Variants in SH3PXD2B observed in about 807,000 individuals in gnomAD.
The protein encoded by SH3PXD2B is SH3 and PX domain-containing protein 2B.
In SH3PXD2B, 37 loss-of-function variants were observed where a neutral mutation model predicts 73.1. The observed-to-expected ratio is 0.51, with a 90% CI of 0.39 to 0.67. SH3PXD2B has a LOEUF of 0.67. Ranked by LOEUF, SH3PXD2B falls within the 30% of genes least tolerant of loss-of-function variation. The pLI is 0.00. For missense variants in SH3PXD2B, 1,053 were observed against 1,197.8 expected, an observed-to-expected ratio of 0.88 and a Z score of 1.78; for synonymous variants, 457 against 480.5, an observed-to-expected ratio of 0.95 and a Z score of 0.64.
At chr5:172,427,637 C>T (rs372654327) in intron 1 of SH3PXD2B, among the ~76,000 whole-genome samples, 3 of 152,198 alleles carry the variant, frequency 2.0e-5, no homozygotes, top group Admixed American at 6.5e-5. Flanking sequence ...AGCCGTGAGC[C>T]ACCATGCCTG....
chr5:172,374,367 A>C (rs1260907017), intron 5 of SH3PXD2B, among the ~76,000 whole-genome samples: 4 of 152,068 alleles, frequency 2.6e-5, no homozygotes, highest in Non-Finnish European at 2.9e-5. Flanking sequence ...TACCGTCGTC[A>C]CCCGTGTCAG....
At chr5:172,347,936 C>T (rs1224381343) in intron 10 of SH3PXD2B, among the ~76,000 whole-genome samples, 2 of 152,142 alleles carry the variant, frequency 1.3e-5, no homozygotes, top group Non-Finnish European at 2.9e-5. Context: ...GAGGCAGCTG[C>T]CCTGGCTCTG....
chr5:172,402,905 C>A (rs1422428194), intron 3 of SH3PXD2B, among the ~76,000 whole-genome samples: 1 of 152,278 alleles, frequency 6.6e-6, no homozygotes, highest in Non-Finnish European at 1.5e-5. Flanking sequence ...TTAAACCTGC[C>A]TCCAGCAGGC....
chr5:172,453,355 C>T (rs1158544542), intron 1 of SH3PXD2B, among the ~76,000 whole-genome samples: 2 of 152,184 alleles, frequency 1.3e-5, no homozygotes, highest in East Asian at 3.9e-4. Context: ...TCCCCAAGGC[C>T]TCATGTGGGC....
At chr5:172,410,679 CAGG>C (rs1298166494) in intron 2 of SH3PXD2B, among the ~76,000 whole-genome samples, 2 of 152,180 alleles carry the variant, frequency 1.3e-5, no homozygotes, top group African/African-American at 4.8e-5. Context: ...GAGGCAACTT[CAGG>C]AGATGTTTGC....
intron 3 of SH3PXD2B, among the ~76,000 whole-genome samples, chr5:172,400,504 T>G (rs1758401276): frequency 6.6e-6 from 1 of 152,216 alleles, no homozygotes; most frequent in Non-Finnish European, 1.5e-5. Context: ...AGGCCTCATA[T>G]GATACTCCCC....
intron 1 of SH3PXD2B, among the ~76,000 whole-genome samples, chr5:172,437,570 C>T (rs981871116): frequency 2.6e-5 from 4 of 152,256 alleles, no homozygotes; most frequent in African/African-American, 9.6e-5. Flanking sequence ...CCTTGGGTCT[C>T]CTGGCCCCAG....
intron 4 of SH3PXD2B, among the ~76,000 whole-genome samples, chr5:172,388,817 G>C (rs1220831300): frequency 1.3e-5 from 2 of 152,158 alleles, no homozygotes; most frequent in African/African-American, 4.8e-5. Context: ...TTGCCAGCAG[G>C]GCCTGGACAA....
Position 172,339,842 on chromosome 5 carries a change from G to GACAATTGACAATGAT in SH3PXD2B, c.1262_1263insATCATTGTCAATTGT (p.Phe421delinsLeuSerLeuSerIleVal). ...TGCTCGTCTTCTTGTACTTGTCAATGAAGGTGGCCGGGGCCCACCCTTCCT... is the reference window on the plus strand; with the variant it reads ...TGCTCGTCTTCTTGTACTTGTCAATGACAATTGACAATGATAAGGTGGCCGGGGCCCACCCTTCCT... On this transcript the variant is annotated protein_altering_variant, in exon 13 of 13. Coordinates refer to ENST00000311601, the MANE Select transcript of SH3PXD2B (RefSeq NM_001017995.3). This position sits in a 1 kb window ranked among gnomAD's most constrained non-coding sequence, Gnocchi z 6.1. 1 of 1,614,258 alleles carries GACAATTGACAATGAT rather than the reference G, an allele frequency of 6.2e-7. No homozygotes were observed. The highest frequency in any genetic ancestry group is 8.5e-7 in the Non-Finnish European group (1 of 1,180,048).
At chr5:172,453,213 T>C (rs1759840373) in intron 1 of SH3PXD2B, among the ~76,000 whole-genome samples, 1 of 152,130 alleles carries the variant, frequency 6.6e-6, no homozygotes, top group East Asian at 1.9e-4. Context: ...TCTATACTTC[T>C]TTGTTAGGAT....
In SH3PXD2B at chr5:172,406,367, A is replaced by C. The variant is rs760027008; in HGVS notation, c.157-15T>G. ...AACATCTGCATCTAAGTGGGGGGCG[A>C]ATACCAAAAACAAAAACCTTTCATA... On this transcript the variant is annotated splice_polypyrimidine_tract_variant and intron_variant, in intron 2 of 12. Coordinates refer to ENST00000311601, the MANE Select transcript of SH3PXD2B (RefSeq NM_001017995.3). The C allele has an allele frequency of 1.2e-6, 2 of 1,614,020 alleles. No individual in the cohort carries two copies. The highest frequency in any genetic ancestry group is 1.7e-5 in the Admixed American group (1 of 60,018).
intron 4 of SH3PXD2B, among the ~76,000 whole-genome samples, chr5:172,391,226 C>G (rs531838449): frequency 3.1e-4 from 47 of 152,174 alleles, no homozygotes; most frequent in African/African-American, 1.1e-3. Context: ...ATAAGCAACT[C>G]TAGTGGCTGT....
chr5:172,426,876 A>T (rs1759106891), intron 1 of SH3PXD2B, among the ~76,000 whole-genome samples: 1 of 152,212 alleles, frequency 6.6e-6, no homozygotes, highest in Non-Finnish European at 1.5e-5. Flanking sequence ...TCCAGCCTGA[A>T]TCCGGGACAT....
At chr5:172,451,963 G>C (rs1486958031) in intron 1 of SH3PXD2B, among the ~76,000 whole-genome samples, 2 of 152,198 alleles carry the variant, frequency 1.3e-5, no homozygotes, top group African/African-American at 4.8e-5. Flanking sequence ...AGGGCCTCTT[G>C]AATCACATGA....
At chr5:172,386,333 T>C (rs1195337096) in intron 4 of SH3PXD2B, among the ~76,000 whole-genome samples, 2 of 152,164 alleles carry the variant, frequency 1.3e-5, no homozygotes, top group East Asian at 1.9e-4. Context: ...TACAAGAATA[T>C]AGTGTTTCCA....
intron 2 of SH3PXD2B, 118 bp from the exon 3 acceptor site, chr5:172,406,470 T>G: frequency 5.0e-6 from 6 of 1,202,220 alleles, no homozygotes; most frequent in African/African-American, 1.5e-5. Context: ...GTTCACTGCG[T>G]TCAGCTTTCC....
At chr5:172,436,395 G>C (rs550738825) in intron 1 of SH3PXD2B, among the ~76,000 whole-genome samples, 1 of 152,220 alleles carries the variant, frequency 6.6e-6, no homozygotes, top group Admixed American at 6.5e-5. Context: ...TACAGGGCCC[G>C]GGCTCCTTCA....
At position 172,338,561 on chromosome 5, in the gene SH3PXD2B, G is replaced by A. The variant is rs149498667; in HGVS notation, c.2544C>T (p.Asp848=). The stretch of plus-strand genomic sequence containing the variant: ...CCACATACAAAGAGTCCTTCAGGCC[G>A]TCGGCATTGGGGACAGAGGCTGCAG... ...KAAAASVPNA[D]GLKDSLYVAV... is the part of the protein sequence containing the mutation. The change falls in exon 13 of 13, where the codon GAC becomes GAT. Residue 848 remains aspartate (D), a synonymous_variant. Coordinates refer to ENST00000311601, the MANE Select transcript of SH3PXD2B (RefSeq NM_001017995.3). This position sits in a 1 kb window ranked among gnomAD's most constrained non-coding sequence, Gnocchi z 5.1. 7.4e-6 allele frequency: 12 copies of A among 1,614,152 alleles called. No individual in the cohort carries two copies. In the East Asian group the frequency reaches 8.9e-5, roughly 12 times the overall value.
At chr5:172,407,478 G>A (rs17703911) in intron 2 of SH3PXD2B, among the ~76,000 whole-genome samples, 7,965 of 152,304 alleles carry the variant, frequency 0.052, 328 homozygotes, top group South Asian at 0.23. Flanking sequence ...GCCTGAGTGA[G>A]CTATGCCAAG....
Sources: gnomAD v4.1 joint callset for allele counts (sites outside exome capture counted in the v4.1 genomes callset) on GRCh38, gnomAD v4.1.1 for gene constraint, Gnocchi (gnomAD v3.1) non-coding constraint, MANE v1.5 for transcripts, NCBI Gene and HGNC (gene_info 2026-07-23, HGNC 2026-07-21) for gene names.